The following GPLD1 variants were observed in gnomAD, a reference collection of about 807,000 sequenced individuals.
GPLD1 encodes the protein phosphatidylinositol-glycan-specific phospholipase D.
Under a neutral mutation model 112.6 loss-of-function variants are expected in GPLD1, and 84 were observed. The ratio of observed to expected loss-of-function variants is 0.75; its 90% CI spans 0.63 to 0.89. The LOEUF is 0.89. Ranked by LOEUF, GPLD1 falls within the 40% of genes least tolerant of loss-of-function variation. The probability of loss-of-function intolerance (pLI) is 0.00; values close to 1 mark genes in which losing one functional copy is unlikely to be tolerated. For missense variants in GPLD1, 1,044 were observed against 1,051.5 expected, an observed-to-expected ratio of 0.99 and a Z score of 0.10; for synonymous variants, 386 against 403.8, an observed-to-expected ratio of 0.96 and a Z score of 0.53.
chr6:24,460,834 G>C (rs149581104), intron 11 of GPLD1, among the ~76,000 whole-genome samples: 183 of 151,608 alleles, frequency 1.2e-3, no homozygotes, highest in African/African-American at 4.2e-3. Context: ...TCGCCTCCTG[G>C]GTTCAAGCAA....
intron 14 of GPLD1, among the ~76,000 whole-genome samples, chr6:24,450,710 C>T (rs976502388): frequency 4.6e-5 from 7 of 152,170 alleles, no homozygotes; most frequent in Admixed American, 4.6e-4. Flanking sequence ...GGCGCAGTGG[C>T]TTATGCCTGT....
chr6:24,489,123 C>CCT (rs1764480208), intron 1 of GPLD1, among the ~76,000 whole-genome samples: 1 of 152,214 alleles, frequency 6.6e-6, no homozygotes, highest in Non-Finnish European at 1.5e-5. Context: ...CACGTTGCAA[C>CCT]CTCTCGTTCA....
In GPLD1 at chr6:24,455,053, C is replaced by T. The variant is rs184946923; in HGVS notation, c.1149-852G>A. On this transcript the variant is annotated intron_variant, in intron 13 of 24. Coordinates refer to ENST00000230036, the MANE Select transcript of GPLD1 (RefSeq NM_001503.4). Reference sequence around the variant, plus strand: ...CTGAGGCAGGAGAATCACTTGAACCCGGGAGGCAGAGAACCCAGTGAGCCG... The same window carrying T: ...CTGAGGCAGGAGAATCACTTGAACCTGGGAGGCAGAGAACCCAGTGAGCCG... Among the ~76,000 whole-genome samples the T allele has an allele frequency of 1.5e-3, 226 of 152,322 alleles. 2 individuals are homozygous for T. Among genetic ancestry groups the T allele is most frequent in the Middle Eastern group, 0.01 (3 of 294 alleles).
chr6:24,428,734 A>G lies in GPLD1; in HGVS notation c.*298T>C, dbSNP rs75298330. The G allele has an allele frequency of 3.5e-3, 893 of 256,198 alleles. 12 individuals are homozygous for G. The highest frequency in any genetic ancestry group is 0.016 in the East Asian group (198 of 12,274). The allele number at this position is 256,198 out of a possible 1,614,324, so 15.9% of individuals were successfully genotyped here. A position where few individuals can be genotyped will look rare whatever the true frequency, so the allele number is the denominator to read the frequency against. On this transcript the variant is annotated 3_prime_UTR_variant, in exon 25 of 25. Transcript: ENST00000230036. ...TGTACAGCAGGTCTGACTACAGGCA[A>G]TAAGTTGGGAAAGAAGAAAGGTTTA...
intron 2 of GPLD1, among the ~76,000 whole-genome samples, chr6:24,482,508 T>C (rs866457687): frequency 3.2e-4 from 49 of 152,218 alleles, no homozygotes; most frequent in Middle Eastern, 6.8e-3. Context: ...CTTAAACTCC[T>C]GACCTCAGGT....
chr6:24,463,589 C>T (rs1763504898), intron 10 of GPLD1, among the ~76,000 whole-genome samples: 1 of 152,182 alleles, frequency 6.6e-6, no homozygotes, highest in African/African-American at 2.4e-5. Flanking sequence ...CCACAGGACA[C>T]AAAAGGCAGC....
At chr6:24,485,592 C>A (rs1247217026) in intron 2 of GPLD1, among the ~76,000 whole-genome samples, 1 of 151,676 alleles carries the variant, frequency 6.6e-6, no homozygotes, top group East Asian at 1.9e-4. Flanking sequence ...AGACATATAC[C>A]TTTTAACCAT....
chr6:24,466,961 T>TG (rs774315681), intron 8 of GPLD1, 22 bp from the exon 9 acceptor site: 1 of 1,603,876 alleles, frequency 6.2e-7, no homozygotes, highest in South Asian at 1.1e-5. Context: ...ACAATAATTT[T>TG]GGCTGTGAGT....
intron 11 of GPLD1, among the ~76,000 whole-genome samples, chr6:24,461,647 A>G (rs1328427460): frequency 6.6e-6 from 1 of 151,920 alleles, no homozygotes; most frequent in Admixed American, 6.6e-5. Context: ...CTTCAAGGAG[A>G]ACCCTCCTGT....
intron 14 of GPLD1, 39 bp from the exon 15 acceptor site, chr6:24,449,938 C>G: frequency 6.9e-7 from 1 of 1,455,594 alleles, no homozygotes; most frequent in Non-Finnish European, 9.5e-7. Context: ...GGCTGAGCCA[C>G]GGCCTCGGAA....
rs1561821692 is a variant in GPLD1 at position 24,427,854 on chromosome 6, A to AAAAG, written c.*1177_*1178insCTTT. Among the ~76,000 whole-genome samples, 5 of 117,892 alleles carry AAAAG rather than the reference A, an allele frequency of 4.2e-5. No individual in the cohort carries two copies. Among genetic ancestry groups the AAAAG allele is most frequent in the South Asian group, 2.8e-4 (1 of 3,556 alleles). The allele number at this position is 117,892 out of a possible 152,430, so 77.3% of individuals were successfully genotyped here. The stretch of plus-strand genomic sequence containing the variant: ...GAGCAAGACTCCGTCTCAAAAAAAA[A>AAAAG]AAAAAAAAAAAAGGACTATCATCCT... On this transcript the variant is annotated 3_prime_UTR_variant, in exon 25 of 25. Transcript: ENST00000230036.
chr6:24,467,265 T>A lies in GPLD1; in HGVS notation c.555A>T (p.Pro185=). Residue 185 remains proline (P), a synonymous_variant, in exon 8 of 25, where the codon CCA becomes CCT. Coordinates refer to ENST00000230036, the MANE Select transcript of GPLD1 (RefSeq NM_001503.4). ...CATAAATTCCCAGTAGATCTTTGAC[T>A]GGCACATACCTGAAAAATGCAGAAT... ...FNYLARRWYV[P]VKDLLGIYEK... 6.4e-7 allele frequency: 1 copy of A among 1,566,382 alleles called. No individual in the cohort carries two copies. Among genetic ancestry groups the A allele is most frequent in the Non-Finnish European group, 8.8e-7 (1 of 1,136,666 alleles).
intron 6 of GPLD1, 56 bp from the exon 7 acceptor site, chr6:24,472,692 A>G (rs1763863779): frequency 3.3e-6 from 3 of 919,608 alleles, no homozygotes; most frequent in East Asian, 4.8e-5. Flanking sequence ...CATAGCATGC[A>G]TCTATTCAAC....
chr6:24,485,630 C>T (rs1764345624), intron 2 of GPLD1, among the ~76,000 whole-genome samples: 1 of 151,416 alleles, frequency 6.6e-6, no homozygotes, highest in African/African-American at 2.4e-5. Flanking sequence ...ACATTAATAA[C>T]ATAATATACA....
At chr6:24,494,735 C>T (rs1218121462) in intron 1 of GPLD1, 1 of 345,644 alleles carries the variant, frequency 2.9e-6, no homozygotes, top group Non-Finnish European at 5.1e-6. Context: ...CATCCCCGAA[C>T]CCAACCCTCC....
chr6:24,482,101 T>TG lies in GPLD1; in HGVS notation c.154-2143_154-2142insC, dbSNP rs60299264. The stretch of plus-strand genomic sequence containing the variant: ...GATATTAAAATGTATTTTTGGATTT[T>TG]TTTTTTTTTTTTTTTTTGAGATGGA... On this transcript the variant is annotated intron_variant, in intron 2 of 24. Transcript: ENST00000230036. 4.7e-4 allele frequency among the ~76,000 whole-genome samples: 54 copies of TG among 113,738 alleles called. 1 individual carries two copies. The highest frequency in any genetic ancestry group is 6.4e-4 in the Non-Finnish European group (32 of 49,814). 74.6% of individuals were successfully genotyped at this position (113,738 alleles called of 152,430 possible). A position where few individuals can be genotyped will look rare whatever the true frequency, so the allele number is the denominator to read the frequency against.
Position 24,427,692 on chromosome 6 carries a change from A to G in GPLD1, c.*1340T>C, listed in dbSNP as rs1199286084. Among the ~76,000 whole-genome samples, 3 of 151,950 alleles carry G rather than the reference A, an allele frequency of 2.0e-5. No homozygotes were observed. The highest frequency in any genetic ancestry group is 2.0e-4 in the Admixed American group (3 of 15,252). On this transcript the variant is annotated 3_prime_UTR_variant, in exon 25 of 25. Coordinates refer to ENST00000230036, the MANE Select transcript of GPLD1 (RefSeq NM_001503.4). ...GAAACCCTGTCTCTACTAAAAATAC[A>G]AAAATTAGCCGGGCGTAGTATTGTG...
intron 12 of GPLD1, among the ~76,000 whole-genome samples, chr6:24,459,584 G>A (rs1008336942): frequency 1.4e-4 from 21 of 152,152 alleles, no homozygotes; most frequent in African/African-American, 4.8e-5. Flanking sequence ...TGCACTTACC[G>A]CACCATGGTA....
chr6:24,454,932 C>T (rs2127343736), intron 13 of GPLD1, among the ~76,000 whole-genome samples: 1 of 152,326 alleles, frequency 6.6e-6, no homozygotes, highest in Admixed American at 6.5e-5. Context: ...AGTTCGATAC[C>T]AGCCTGGCCA....
Sources: gnomAD v4.1 joint callset for allele counts (sites outside exome capture counted in the v4.1 genomes callset) on GRCh38, gnomAD v4.1.1 for gene constraint, MANE v1.5 for transcripts, NCBI Gene and HGNC (gene_info 2026-07-23, HGNC 2026-07-21) for gene names.